Variants in HIVEP2 observed in about 807,000 individuals in gnomAD.
HIVEP2 encodes the protein HIVEP zinc finger 2.
HIVEP2 carries 14 observed loss-of-function variants against 180.7 expected under a neutral mutation model. The observed-to-expected ratio is 0.08, with a 90% CI of 0.05 to 0.12. The LOEUF (loss-of-function observed/expected upper bound fraction) is 0.12. HIVEP2 is among the 10% of genes least tolerant of loss of function. The pLI, the probability that HIVEP2 is intolerant of heterozygous loss-of-function variation, is 1.00. For synonymous variants in HIVEP2, 1,184 were observed against 1,136.4 expected, an observed-to-expected ratio of 1.04 and a Z score of -0.84; for missense variants, 2,579 against 3,008.5, an observed-to-expected ratio of 0.86 and a Z score of 3.34.
intron 1 of HIVEP2, among the ~76,000 whole-genome samples, chr6:142,912,966 G>T (rs531059630): frequency 6.6e-6 from 1 of 152,164 alleles, no homozygotes; most frequent in Non-Finnish European, 1.5e-5. Context: ...TTTTAGAAGT[G>T]GGTATGAAAA....
chr6:142,924,290 TATGA>T (rs1777749632), intron 1 of HIVEP2, among the ~76,000 whole-genome samples: 1 of 152,150 alleles, frequency 6.6e-6, no homozygotes, highest in Non-Finnish European at 1.5e-5. Context: ...GCATCTGAAA[TATGA>T]GAGATAGCAG....
chr6:142,847,321 C>G (rs768942000), intron 1 of HIVEP2, among the ~76,000 whole-genome samples: 43 of 152,008 alleles, frequency 2.8e-4, no homozygotes, highest in Non-Finnish European at 4.7e-4. Context: ...ATATTACAAC[C>G]CTTTAAAAAC....
intron 1 of HIVEP2, among the ~76,000 whole-genome samples, chr6:142,944,280 G>A (rs1196709659): frequency 1.3e-5 from 2 of 151,740 alleles, no homozygotes; most frequent in Admixed American, 6.6e-5. Flanking sequence ...TATGTAAGAG[G>A]GACAGAACGC....
At position 142,771,549 on chromosome 6, in the gene HIVEP2, C is replaced by T. The variant is rs1490318655; in HGVS notation, c.3190G>A (p.Ala1064Thr). ...GNLSHAPVSG[A>T]AASTVSPSRE... ...GACGGTGATACCGTGGAGGCTGCTG[C>T]TCCCGACACAGGAGCATGGGACAGA... is the stretch of plus-strand genomic sequence containing the variant. Residue 1064 changes from alanine (A) to threonine (T), a missense_variant, in exon 5 of 10, where the codon GCA becomes ACA. Around this residue, in one of 11 missense-constraint regions of HIVEP2, gnomAD observed 523 missense variants for 577.0 expected, o/e 0.91. Coordinates refer to ENST00000367603, the MANE Select transcript of HIVEP2 (RefSeq NM_006734.4). The surrounding 1 kb of genome is among the most constrained non-coding windows in gnomAD (Gnocchi z 5.4). 1 of 1,613,940 alleles carries T rather than the reference C, an allele frequency of 6.2e-7. No homozygotes were observed. Among genetic ancestry groups the T allele is most frequent in the East Asian group, 2.2e-5 (1 of 44,882 alleles).
chr6:142,916,800 A>G (rs1459066916), intron 1 of HIVEP2, among the ~76,000 whole-genome samples: 1 of 152,226 alleles, frequency 6.6e-6, no homozygotes, highest in Non-Finnish European at 1.5e-5. Flanking sequence ...CCCAGCTCTC[A>G]GATCAGCATC....
In HIVEP2 at chr6:142,768,366, C is replaced by T; in HGVS notation, c.5342+16G>A. ...CCTATAACTGCACATTTTACATTTG[C>T]ACTTTGTTTCCTTACCCTCCTTCAA... On this transcript the variant is annotated intron_variant, in intron 6 of 9. Coordinates refer to ENST00000367603, the MANE Select transcript of HIVEP2 (RefSeq NM_006734.4). 1 of 1,605,952 alleles carries T rather than the reference C, an allele frequency of 6.2e-7. No homozygotes were observed. Among genetic ancestry groups the T allele is most frequent in the Non-Finnish European group, 8.5e-7 (1 of 1,176,864 alleles).
chr6:142,764,069 G>A (rs908626585), intron 7 of HIVEP2, among the ~76,000 whole-genome samples: 24 of 152,096 alleles, frequency 1.6e-4, no homozygotes, highest in East Asian at 9.7e-4. Flanking sequence ...TGCAAAAGTC[G>A]AACAACCTCT....
intron 1 of HIVEP2, among the ~76,000 whole-genome samples, chr6:142,899,124 C>G (rs185554860): frequency 6.6e-6 from 1 of 152,290 alleles, no homozygotes; most frequent in Non-Finnish European, 1.5e-5. Context: ...TCTCCAGATC[C>G]TTCCTTTGTG....
At chr6:142,878,862 G>A (rs1447343466) in intron 1 of HIVEP2, among the ~76,000 whole-genome samples, 3 of 152,084 alleles carry the variant, frequency 2.0e-5, no homozygotes, top group African/African-American at 2.4e-5. Context: ...AATGGAGATG[G>A]GGCTCCAAGG....
intron 1 of HIVEP2, among the ~76,000 whole-genome samples, chr6:142,877,531 G>A (rs577324644): frequency 1.3e-5 from 2 of 152,036 alleles, no homozygotes; most frequent in African/African-American, 2.4e-5. Context: ...TCTTGTTCCC[G>A]CCCTAAAATG....
At chr6:142,925,909 T>C (rs902486887) in intron 1 of HIVEP2, among the ~76,000 whole-genome samples, 1 of 152,236 alleles carries the variant, frequency 6.6e-6, no homozygotes, top group Non-Finnish European at 1.5e-5. Context: ...AACTTTAGCA[T>C]TTTGGCTGTG....
intron 3 of HIVEP2, chr6:142,779,630 CAAACA>C (rs1293638059): frequency 6.6e-6 from 1 of 151,816 alleles, no homozygotes; most frequent in East Asian, 1.9e-4. Flanking sequence ...AACAAACAAA[CAAACA>C]AAACAAAAAA....
intron 1 of HIVEP2, among the ~76,000 whole-genome samples, chr6:142,841,789 T>C (rs1257951693): frequency 6.6e-6 from 1 of 152,158 alleles, no homozygotes; most frequent in Non-Finnish European, 1.5e-5. Context: ...TTAACATTTA[T>C]ATTCAATAGA....
At chr6:142,941,003 G>A (rs1027447572) in intron 1 of HIVEP2, among the ~76,000 whole-genome samples, 9 of 152,158 alleles carry the variant, frequency 5.9e-5, no homozygotes, top group African/African-American at 1.9e-4. Context: ...AAATTTTAAG[G>A]AGGTTGGAAA....
At chr6:142,793,938 A>T (rs577346798) in intron 2 of HIVEP2, 3 of 152,158 alleles carry the variant, frequency 2.0e-5, no homozygotes, top group African/African-American at 7.2e-5. Context: ...AAGTGTTGGG[A>T]TTACAGGTGT....
chr6:142,917,613 T>C (rs1777588515), intron 1 of HIVEP2, among the ~76,000 whole-genome samples: 1 of 152,182 alleles, frequency 6.6e-6, no homozygotes, highest in African/African-American at 2.4e-5. Context: ...CAATCACACA[T>C]GTACTCAACT....
intron 2 of HIVEP2, among the ~76,000 whole-genome samples, chr6:142,810,207 G>A (rs2114790870): frequency 6.6e-6 from 1 of 152,254 alleles, no homozygotes; most frequent in South Asian, 2.1e-4. Context: ...GCTCAATAAT[G>A]ATAGCAATTA....
At chr6:142,904,861 T>G (rs1463088403) in intron 1 of HIVEP2, among the ~76,000 whole-genome samples, 1 of 152,190 alleles carries the variant, frequency 6.6e-6, no homozygotes, top group Non-Finnish European at 1.5e-5. Flanking sequence ...ATCCTCACAC[T>G]ATTATTATCA....
At chr6:142,782,329 T>C (rs1775879422) in intron 3 of HIVEP2, among the ~76,000 whole-genome samples, 1 of 152,160 alleles carries the variant, frequency 6.6e-6, no homozygotes, top group East Asian at 1.9e-4. Flanking sequence ...CATGAACATC[T>C]CGGGGCATTG....
Sources: gnomAD v4.1 joint callset for allele counts (sites outside exome capture counted in the v4.1 genomes callset) on GRCh38, gnomAD v4.1.1 for gene constraint, gnomAD v4.1.1 regional missense constraint, Gnocchi (gnomAD v3.1) non-coding constraint, MANE v1.5 for transcripts, NCBI Gene and HGNC (gene_info 2026-07-23, HGNC 2026-07-21) for gene names.